PRDM15: variants seen among roughly 807,000 people sequenced by gnomAD.
PRDM15 encodes the protein PR/SET domain 15.
Under a neutral mutation model 128.6 loss-of-function variants are expected in PRDM15, and 64 were observed. That is an observed-to-expected ratio of 0.50 (90% CI 0.41 to 0.61). The LOEUF (loss-of-function observed/expected upper bound fraction) is 0.61, where lower values mean the gene tolerates loss of function less well. Among genes scored for constraint, PRDM15 ranks in the 20% least tolerant of loss-of-function variants. The pLI, the probability that PRDM15 is intolerant of heterozygous loss-of-function variation, is 0.00. For synonymous variants in PRDM15, 615 were observed against 621.8 expected (o/e 0.99, Z 0.16); for missense variants, 1,242 against 1,569.1 (o/e 0.79, Z 3.52).
intron 22 of PRDM15, among the ~76,000 whole-genome samples, chr21:41,803,478 G>C (rs1046633536): frequency 6.6e-6 from 1 of 152,206 alleles, no homozygotes; most frequent in Non-Finnish European, 1.5e-5. Flanking sequence ...CCTCTGAACC[G>C]GGCCGGCTCA....
At chr21:41,819,762 G>A in intron 17 of PRDM15, 61 bp from the exon 18 acceptor site, 3 of 1,545,772 alleles carry the variant, frequency 1.9e-6, no homozygotes, top group African/African-American at 2.7e-5. Context: ...TGGCTGCAAA[G>A]AGGATGCACC....
chr21:41,836,294 C>G, intron 9 of PRDM15, 87 bp from the exon 10 acceptor site: 1 of 1,352,272 alleles, frequency 7.4e-7, no homozygotes, highest in Non-Finnish European at 1.0e-6. Flanking sequence ...CCCCACAAGC[C>G]GCCTCGCTCC....
intron 6 of PRDM15, among the ~76,000 whole-genome samples, chr21:41,841,643 A>G (rs2063076850): frequency 6.6e-6 from 1 of 152,252 alleles, no homozygotes. Context: ...AGCAAATTAG[A>G]AAATACTTAG....
Position 41,837,980 on chromosome 21 carries a change from G to A in PRDM15, c.955C>T (p.Leu319=). The change falls in exon 8 of 24, where the codon CTG becomes TTG. Residue 319 remains leucine (L), a synonymous_variant. Transcript: ENST00000398548. The part of the protein sequence containing the change: ...TPDERIMELV[L]GKLATTTTDT... ...GTGGTGGTGGTGGCCAGCTTCCCCA[G>A]AACCAGCTCCATGATCCGCTCATCT... 1 of 1,614,222 alleles carries A rather than the reference G, an allele frequency of 6.2e-7. No homozygotes were observed. Among genetic ancestry groups the A allele is most frequent in the Middle Eastern group, 1.6e-4 (1 of 6,062 alleles).
In PRDM15 at chr21:41,862,035, G is replaced by C. The variant is rs200086048; in HGVS notation, c.-9-1663C>G. On this transcript the variant is annotated intron_variant, in intron 1 of 23. Transcript: ENST00000398548. This position sits in a 1 kb window ranked among gnomAD's most constrained non-coding sequence, Gnocchi z 4.1. ...GTGGATGGGCACCTCGGCGCAAATA[G>C]GGACCAGTCTGGGATGGGGGCTCAG... 1.3e-5 allele frequency: 20 copies of C among 1,562,146 alleles called. No individual in the cohort carries two copies. The East Asian group carries it at 4.1e-4, about 32-fold the overall frequency.
chr21:41,816,736 C>T (rs2062065695), intron 18 of PRDM15, among the ~76,000 whole-genome samples: 1 of 152,160 alleles, frequency 6.6e-6, no homozygotes, highest in Non-Finnish European at 1.5e-5. Flanking sequence ...AACTGCGCGG[C>T]TGGGCCAGCA....
chr21:41,837,564 G>T (rs2062935637), intron 8 of PRDM15, among the ~76,000 whole-genome samples: 1 of 152,112 alleles, frequency 6.6e-6, no homozygotes, highest in Admixed American at 6.5e-5. Flanking sequence ...GCTTAGTGCG[G>T]ACAGCGTTTC....
chr21:41,821,168 G>C lies in PRDM15; in HGVS notation c.1959C>G (p.Gly653=). 3 of 1,614,216 alleles carry C rather than the reference G, an allele frequency of 1.9e-6. No homozygotes were observed. In the South Asian group the frequency reaches 3.3e-5, roughly 18 times the overall value. The stretch of plus-strand genomic sequence containing the variant: ...GCCGGTTGCAGATGCTGCAGCCATA[G>C]CCCTTCTCCTTGTGCACCTCCATGA... The part of the protein sequence containing the change: ...KHIMEVHKEK[G]YGCSICNRRF... The change falls in exon 16 of 24, where the codon GGC becomes GGG. Residue 653 remains glycine, a synonymous_variant. Coordinates refer to ENST00000398548, the MANE Select transcript of PRDM15 (RefSeq NM_001040424.3). This position sits in a 1 kb window ranked among gnomAD's most constrained non-coding sequence, Gnocchi z 5.4.
At chr21:41,827,699 C>T (rs1377027946) in intron 12 of PRDM15, among the ~76,000 whole-genome samples, 1 of 152,178 alleles carries the variant, frequency 6.6e-6, no homozygotes, top group Non-Finnish European at 1.5e-5. Flanking sequence ...CAAGCATATG[C>T]TTCATTTGTA....
At chr21:41,825,323 T>C (rs1360879617) in intron 13 of PRDM15, among the ~76,000 whole-genome samples, 3 of 152,186 alleles carry the variant, frequency 2.0e-5, no homozygotes, top group Admixed American at 1.3e-4. Flanking sequence ...ACGCGCAGCG[T>C]GTTTGCTGGA....
intron 1 of PRDM15, among the ~76,000 whole-genome samples, chr21:41,864,360 T>C (rs2063926315): frequency 6.6e-6 from 1 of 151,934 alleles, no homozygotes; most frequent in African/African-American, 2.4e-5. Context: ...ACAGAGAAAA[T>C]CTTTGGGCTC....
In PRDM15 at chr21:41,828,121, G is replaced by A; in HGVS notation, c.1534+45C>T. On this transcript the variant is annotated intron_variant, in intron 12 of 23. Transcript: ENST00000398548. The surrounding 1 kb of genome is among the most constrained non-coding windows in gnomAD (Gnocchi z 5.7). The stretch of plus-strand genomic sequence containing the variant: ...CCATGCCGCCCTGCCCCACCCCGCA[G>A]GAGCTGCCTCTCCCCGCCCGCAGCA... 1 of 1,603,366 alleles carries A rather than the reference G, an allele frequency of 6.2e-7. No homozygotes were observed. The highest frequency in any genetic ancestry group is 2.2e-5 in the East Asian group (1 of 44,714).
rs2236692 is a variant in PRDM15, at chr21:41,800,220, C to A, written c.*1020G>T. ...AAGTTTAAACAGAAGGAAAATATGA[C>A]TTTTCCCCCGTTTCTTCCACTCGGG... On this transcript the variant is annotated 3_prime_UTR_variant, in exon 24 of 24. Coordinates refer to ENST00000398548, the MANE Select transcript of PRDM15 (RefSeq NM_001040424.3). The A allele has an allele frequency of 0.67, 101,245 of 152,132 alleles. 34,531 individuals carry two copies. Among genetic ancestry groups the A allele is most frequent in the African/African-American group, 0.81 (33,784 of 41,504 alleles). The allele number at this position is 152,132 out of a possible 1,614,324, so 9.4% of individuals were successfully genotyped here.
At chr21:41,808,537 AG>A (rs2061753873) in intron 21 of PRDM15, among the ~76,000 whole-genome samples, 1 of 152,250 alleles carries the variant, frequency 6.6e-6, no homozygotes, top group Non-Finnish European at 1.5e-5. Flanking sequence ...CAATTCCAAA[AG>A]GAAGTCACTT....
rs779053109 is a variant in PRDM15 at position 41,820,161 on chromosome 21, A to G, written c.2074T>C (p.Cys692Arg). The G allele has an allele frequency of 1.2e-6, 2 of 1,613,660 alleles. No homozygotes were observed. Among genetic ancestry groups the G allele is most frequent in the Non-Finnish European group, 1.7e-6 (2 of 1,179,808 alleles). ...DPNVQKYIHP[C>R]EICGRIFNSI... ...TTGAAGATCCGCCCGCAGATCTCGC[A>G]GGGGTGGATGTACCTGAAACCAGAG... Residue 692 changes from cysteine to arginine, a missense_variant, in exon 17 of 24, where the codon TGC becomes CGC. Coordinates refer to ENST00000398548, the MANE Select transcript of PRDM15 (RefSeq NM_001040424.3).
At chr21:41,838,126 C>T in intron 7 of PRDM15, 63 bp from the exon 8 acceptor site, 1 of 1,571,700 alleles carries the variant, frequency 6.4e-7, no homozygotes, top group Admixed American at 1.7e-5. Context: ...ACAGTCAAAC[C>T]ATGGTGACAC....
At chr21:41,829,350 C>T (rs1305770472) in intron 11 of PRDM15, among the ~76,000 whole-genome samples, 5 of 151,748 alleles carry the variant, frequency 3.3e-5, no homozygotes, top group Admixed American at 3.3e-4. Context: ...ACATGCCCCA[C>T]AAATACACAA....
chr21:41,861,937 A>C (rs2063827481), intron 1 of PRDM15: 1 of 1,613,890 alleles, frequency 6.2e-7, no homozygotes, highest in Non-Finnish European at 8.5e-7. Context: ...TCACGTTCAA[A>C]GGTATCTCGT....
Position 41,801,553 on chromosome 21 carries a change from T to G in PRDM15, c.3113A>C (p.Asn1038Thr). Reference protein sequence around the residue: ...TTPERQLQLDNSILTVTFDTV... With the variant: ...TTPERQLQLDTSILTVTFDTV... ...ATCAAAGGTCACGGTCAGGATTGAG[T>G]TGTCCAGCTGTAACTGGCGTTCAGG... Residue 1038 changes from asparagine (N) to threonine (T), a missense_variant, in exon 24 of 24, where the codon AAC becomes ACC. By Grantham distance (65) the Asn-to-Thr change is moderately conservative (BLOSUM62 0). This residue lies in a region of PRDM15 where 602 missense variants were observed against 788.3 expected (regional missense o/e 0.76). Transcript: ENST00000398548. 1 of 1,614,044 alleles carries G rather than the reference T, an allele frequency of 6.2e-7. No individual in the cohort carries two copies. Among genetic ancestry groups the G allele is most frequent in the Non-Finnish European group, 8.5e-7 (1 of 1,179,996 alleles).
Sources: gnomAD v4.1 joint callset for allele counts (sites outside exome capture counted in the v4.1 genomes callset) on GRCh38, gnomAD v4.1.1 for gene constraint, gnomAD v4.1.1 regional missense constraint, Gnocchi (gnomAD v3.1) non-coding constraint, MANE v1.5 for transcripts, NCBI Gene and HGNC (gene_info 2026-07-23, HGNC 2026-07-21) for gene names.